The following LSS variants were observed in gnomAD, a reference collection of about 807,000 sequenced individuals.
LSS encodes the protein lanosterol synthase, also known as 2,3-epoxysqualene-lanosterol cyclase.
Under a neutral mutation model 110.3 loss-of-function variants are expected in LSS, and 90 were observed. The observed-to-expected ratio is 0.82, with a 90% CI of 0.69 to 0.97. LSS has a LOEUF of 0.97. Among genes scored for constraint, LSS ranks in the 50% least tolerant of loss-of-function variants. The pLI is 0.00. For missense variants in LSS, 927 were observed against 990.0 expected (o/e 0.94, Z 0.85); for synonymous variants, 433 against 400.0 (o/e 1.08, Z -0.98).
At chr21:46,192,084 T>C in intron 20 of LSS, 125 bp from the exon 21 acceptor site, 1 of 767,386 alleles carries the variant, frequency 1.3e-6, no homozygotes, top group South Asian at 1.5e-5. Context: ...GGGTCTAAAC[T>C]GACGCCCACA....
In LSS at chr21:46,222,595, C is replaced by A. The variant is rs780439215; in HGVS notation, c.428+35G>T. ...CCTACATCATGAGAACACACACATGCACATGTGCAGTGACACAGGGGCAGG... is the reference window on the plus strand; with the variant it reads ...CCTACATCATGAGAACACACACATGAACATGTGCAGTGACACAGGGGCAGG... On this transcript the variant is annotated intron_variant, in intron 4 of 21. Coordinates refer to ENST00000397728, the MANE Select transcript of LSS (RefSeq NM_002340.6). 2.5e-6 allele frequency: 4 copies of A among 1,568,740 alleles called. No homozygotes were observed. The Admixed American group carries it at 5.0e-5, about 20-fold the overall frequency.
chr21:46,207,271 A>G (rs986536296), intron 15 of LSS, among the ~76,000 whole-genome samples, 157 bp downstream of exon 15: 1 of 152,218 alleles, frequency 6.6e-6, no homozygotes, highest in Non-Finnish European at 1.5e-5. Context: ...GTCCAGCCAG[A>G]GCTCACAGTT....
intron 10 of LSS, 68 bp from the exon 11 acceptor site, chr21:46,213,120 C>CTCCTGAG: frequency 6.7e-7 from 1 of 1,499,352 alleles, no homozygotes; most frequent in Non-Finnish European, 9.2e-7. Context: ...TACCCAGACC[C>CTCCTGAG]TGCACTCAGG....
chr21:46,226,123 C>T (rs1005459318), intron 3 of LSS, among the ~76,000 whole-genome samples: 17 of 138,194 alleles, frequency 1.2e-4, no homozygotes, highest in African/African-American at 4.3e-4. Flanking sequence ...GGAACAAGAG[C>T]GAACGCTGTC....
chr21:46,208,288 G>C lies in LSS; in HGVS notation c.1280C>G (p.Pro427Arg). 1.9e-6 allele frequency: 3 copies of C among 1,552,710 alleles called. No homozygotes were observed. Among genetic ancestry groups the C allele is most frequent in the Non-Finnish European group, 2.6e-6 (3 of 1,147,586 alleles). ...GCGGTAGTACTTCTGGTAGTCGGGAGGGTTATCTGGGACCTGGGCAGCATC... is the reference window on the plus strand; with the variant it reads ...GCGGTAGTACTTCTGGTAGTCGGGACGGTTATCTGGGACCTGGGCAGCATC... ...FLRLSQVPDN[P>R]PDYQKYYRQM... is the part of the protein sequence containing the mutation. Residue 427 changes from proline (P) to arginine (R), a missense_variant, in exon 14 of 22, where the codon CCT becomes CGT. Pro to Arg is a moderately radical substitution (Grantham distance 103). Coordinates refer to ENST00000397728, the MANE Select transcript of LSS (RefSeq NM_002340.6).
intron 12 of LSS, 41 bp downstream of exon 12, chr21:46,210,647 G>A: frequency 6.2e-7 from 1 of 1,603,402 alleles, no homozygotes; most frequent in Middle Eastern, 1.7e-4. Flanking sequence ...ACGTGCACAG[G>A]AAGGTCAGCT....
intron 6 of LSS, 39 bp downstream of exon 6, chr21:46,219,434 ACAG>A: frequency 6.9e-7 from 1 of 1,451,000 alleles, no homozygotes; most frequent in Non-Finnish European, 9.4e-7. Context: ...ACTCCCCGGG[ACAG>A]CAGCAGCGAC....
At chr21:46,227,965 T>C (rs2080371403) in intron 2 of LSS, among the ~76,000 whole-genome samples, 1 of 152,126 alleles carries the variant, frequency 6.6e-6, no homozygotes, top group Non-Finnish European at 1.5e-5. Context: ...ACCCAGACTG[T>C]AGGGTGGGGC....
intron 19 of LSS, 84 bp from the exon 20 acceptor site, chr21:46,194,745 G>GTGAGGAGGAGCCT: frequency 1.4e-6 from 2 of 1,412,646 alleles, no homozygotes; most frequent in Non-Finnish European, 1.9e-6. Flanking sequence ...GCTGCCTTGG[G>GTGAGGAGGAGCCT]GTACGGGGAG....
rs143958308 is a variant in LSS at position 46,213,892 on chromosome 21, G to A, written c.1012-57C>T. 6,447 of 1,279,068 alleles carry A rather than the reference G, an allele frequency of 5.0e-3. 22 individuals carry two copies. The highest frequency in any genetic ancestry group is 0.017 in the Middle Eastern group (93 of 5,436). The allele number at this position is 1,279,068 out of a possible 1,614,324, so 79.2% of individuals were successfully genotyped here. The stretch of plus-strand genomic sequence containing the variant: ...CTCCAGACCCACAGCAGCCTCCAGG[G>A]ACAAGGTCTCGTCCAGATCCACAGC... On this transcript the variant is annotated intron_variant, in intron 9 of 21. Coordinates refer to ENST00000397728, the MANE Select transcript of LSS (RefSeq NM_002340.6).
chr21:46,195,539 T>C, intron 19 of LSS, 137 bp downstream of exon 19: 1 of 823,444 alleles, frequency 1.2e-6, no homozygotes, highest in Non-Finnish European at 2.0e-6. Flanking sequence ...GTCAGCCCGG[T>C]TGACAGAGCG....
intron 4 of LSS, 158 bp from the exon 5 acceptor site, chr21:46,222,133 G>A (rs1385688581): frequency 5.1e-5 from 37 of 721,168 alleles, no homozygotes; most frequent in Non-Finnish European, 8.4e-5. Context: ...CAGCCACTCT[G>A]CAGTACGAAT....
rs1354155480 is a variant in LSS at position 46,188,771 on chromosome 21, A to G, written c.*2333T>C. 6.4e-6 allele frequency: 3 copies of G among 471,248 alleles called. No homozygotes were observed. The highest frequency in any genetic ancestry group is 4.0e-5 in the African/African-American group (2 of 50,102). 29.2% of individuals were successfully genotyped at this position (471,248 alleles called of 1,614,324 possible). On this transcript the variant is annotated 3_prime_UTR_variant, in exon 22 of 22. Transcript: ENST00000397728. ...ACTGACACTGAAGTCCTGCCTGTGT[A>G]ATAACACCGAAGAGGGCAGGGAATC...
Position 46,190,983 on chromosome 21 carries a change from T to TATGA in LSS, c.*117_*120dup, listed in dbSNP as rs2079802648. ...CCAGCCTGGCCCCCAGATTCACATCTATGAGATAGAGGTTGAGGGGTTGGA... is the reference window on the plus strand; with the variant it reads ...CCAGCCTGGCCCCCAGATTCACATCTATGAATGAGATAGAGGTTGAGGGGTTGGA... On this transcript the variant is annotated 3_prime_UTR_variant, in exon 22 of 22. Transcript: ENST00000397728. This position sits in a 1 kb window ranked among gnomAD's most constrained non-coding sequence, Gnocchi z 4.6. The TATGA allele has an allele frequency of 2.5e-6, 3 of 1,213,460 alleles. No homozygotes were observed. Among genetic ancestry groups the TATGA allele is most frequent in the Non-Finnish European group, 3.5e-6 (3 of 866,464 alleles). The allele number at this position is 1,213,460 out of a possible 1,614,324, so 75.2% of individuals were successfully genotyped here. A position where few individuals can be genotyped will look rare whatever the true frequency, so the allele number is the denominator to read the frequency against.
At position 46,228,727 on chromosome 21, in the gene LSS, C is replaced by G. The variant is rs761522945; in HGVS notation, c.14+5G>C. 3 of 1,601,368 alleles carry G rather than the reference C, an allele frequency of 1.9e-6. No individual in the cohort carries two copies. Among genetic ancestry groups the G allele is most frequent in the Admixed American group, 1.7e-5 (1 of 59,864 alleles). On this transcript the variant is annotated splice_donor_5th_base_variant and intron_variant, in intron 1 of 21. Coordinates refer to ENST00000397728, the MANE Select transcript of LSS (RefSeq NM_002340.6). ...TCGTCAGGAGCCCGGGGCGAGGGGA[C>G]TCACGTGCCCTCCGTCATTGCTGCT...
At chr21:46,211,427 C>T (rs563919380) in intron 11 of LSS, among the ~76,000 whole-genome samples, 1 of 152,216 alleles carries the variant, frequency 6.6e-6, no homozygotes, top group Non-Finnish European at 1.5e-5. Context: ...CCGCACCTGG[C>T]CAATGATCCC....
chr21:46,206,608 G>T, intron 16 of LSS, 64 bp downstream of exon 16: 1 of 1,388,770 alleles, frequency 7.2e-7, no homozygotes, highest in Non-Finnish European at 1.0e-6. Context: ...TGGCCCCCAG[G>T]TTTGTGTACC....
chr21:46,196,482 TGAGGGGAAAGCAAGGCC>T, intron 17 of LSS: 1 of 560,334 alleles, frequency 1.8e-6, no homozygotes, highest in Non-Finnish European at 3.2e-6. Flanking sequence ...GAAAGGGACG[TGAGGGGAAAGCAAGGCC>T]TTGGGAAGCC....
At chr21:46,221,829 C>T (rs367967939) in intron 5 of LSS, 25 bp downstream of exon 5, 126 of 1,613,490 alleles carry the variant, frequency 7.8e-5, no homozygotes, top group Non-Finnish European at 9.8e-5. Flanking sequence ...AACCCCTGGC[C>T]CAGCACATGC....
Sources: allele counts gnomAD v4.1 joint callset (sites outside exome capture counted in the v4.1 genomes callset), GRCh38; gene constraint gnomAD v4.1.1; non-coding constraint Gnocchi (gnomAD v3.1); transcripts MANE v1.5; gene names NCBI Gene and HGNC (gene_info 2026-07-23, HGNC 2026-07-21).